The following ZRSR2 variants were observed in gnomAD, a reference collection of about 807,000 sequenced individuals.
ZRSR2 encodes U2 small nuclear ribonucleoprotein auxiliary factor 35 kDa subunit-related protein 2.
A neutral mutation model predicts 39.4 loss-of-function variants in ZRSR2; 3 were observed. The observed-to-expected ratio is 0.08, with a 90% CI of 0.03 to 0.20. The LOEUF (loss-of-function observed/expected upper bound fraction) is 0.20, where lower values mean the gene tolerates loss of function less well. ZRSR2 is among the 10% of genes least tolerant of loss of function. The pLI, the probability that ZRSR2 is intolerant of heterozygous loss-of-function variation, is 1.00. For synonymous variants in ZRSR2, 137 were observed against 136.0 expected (o/e 1.01, Z -0.05); for missense variants, 256 against 391.5 (o/e 0.65, Z 2.92).
intron 5 of ZRSR2, among the ~76,000 whole-genome samples, chrX:15,807,683 T>C (rs1055412962): frequency 2.7e-4 from 30 of 111,484 alleles, no homozygotes; most frequent in Admixed American, 3.8e-4. Context: ...TTATTGAAAC[T>C]ATTATAAGAC....
rs749398280 is a variant in ZRSR2, at chrX:15,820,235, C to G, written c.856C>G (p.Leu286Val). Residue 286 changes from leucine (L) to valine (V), a missense_variant, in exon 10 of 11, where the codon CTG becomes GTG. Leu to Val is a conservative substitution (Grantham distance 32, BLOSUM62 1). Coordinates refer to ENST00000307771, the MANE Select transcript of ZRSR2 (RefSeq NM_005089.4). ...AGAAGAATGCCAAGCAGCCCTTTCT[C>G]TGTTTAACGGACGATGGTATGCAGG... The part of the protein sequence containing the change: ...SEEECQAALS[L>V]FNGRWYAGRQ... 1.7e-6 allele frequency: 2 copies of G among 1,211,443 alleles called. No homozygotes were observed. Among genetic ancestry groups the G allele is most frequent in the Admixed American group, 2.2e-5 (1 of 46,031 alleles).
chrX:15,791,174 A>G (rs1438051088), intron 2 of ZRSR2, among the ~76,000 whole-genome samples, 161 bp downstream of exon 2: 2 of 112,172 alleles, frequency 1.8e-5, no homozygotes, highest in African/African-American at 6.5e-5. Context: ...CATGTCAGAA[A>G]CAATGTTAAC....
chrX:15,821,229 A>G (rs1458282693), intron 10 of ZRSR2, among the ~76,000 whole-genome samples: 1 of 111,005 alleles, frequency 9.0e-6, no homozygotes, highest in Admixed American at 9.5e-5. Context: ...TGTTCGCTCC[A>G]TAAAGGCAGT....
At chrX:15,802,340 A>T (rs772937262) in intron 3 of ZRSR2, among the ~76,000 whole-genome samples, 3 of 112,127 alleles carry the variant, frequency 2.7e-5, no homozygotes, top group African/African-American at 3.2e-5. Context: ...TGGCAATCTA[A>T]CCCCCTCTTT....
rs925193856 is a variant in ZRSR2, at chrX:15,810,926, A to G, written c.557+1608A>G. ...TATAAAAATATTATATAAATAAATA[A>G]TAAGAATACCAGGGACTTGGGTGGC... On this transcript the variant is annotated intron_variant, in intron 7 of 10. Coordinates refer to ENST00000307771, the MANE Select transcript of ZRSR2 (RefSeq NM_005089.4). 3.7e-5 allele frequency among the ~76,000 whole-genome samples: 4 copies of G among 108,038 alleles called. No individual in the cohort carries two copies. The East Asian group carries it at 1.1e-3, about 30-fold the overall frequency. The allele number at this position is 108,038 out of a possible 115,157, so 93.8% of individuals were successfully genotyped here.
chrX:15,800,666 A>G (rs1023324660), intron 3 of ZRSR2, among the ~76,000 whole-genome samples: 1 of 112,493 alleles, frequency 8.9e-6, no homozygotes, highest in Non-Finnish European at 1.9e-5. Context: ...ATATTTTTCT[A>G]TAAATTGCTT....
At chrX:15,816,686 T>C in intron 8 of ZRSR2, among the ~76,000 whole-genome samples, 1 of 111,037 alleles carries the variant, frequency 9.0e-6, no homozygotes, top group East Asian at 2.8e-4. Context: ...GCCTTTGTTA[T>C]GTTAAGGCAG....
chrX:15,823,137 C>CA lies in ZRSR2; in HGVS notation c.1345dup (p.Arg449LysfsTer12), dbSNP rs1933165974. ...GGAGCCGGAGCCGGAGCCGGAGCCG[C>CA]AGGAGCCGCCGCAGCCGGAGCCAAA... is the stretch of plus-strand genomic sequence containing the variant. On this transcript the variant is annotated frameshift_variant, in exon 11 of 11. Coordinates refer to ENST00000307771, the MANE Select transcript of ZRSR2 (RefSeq NM_005089.4). LOFTEE classifies it low-confidence loss of function (END_TRUNC). 1.3e-5 allele frequency: 15 copies of CA among 1,195,278 alleles called. No individual in the cohort carries two copies. The highest frequency in any genetic ancestry group is 1.7e-5 in the Non-Finnish European group (15 of 887,170).
intron 3 of ZRSR2, among the ~76,000 whole-genome samples, chrX:15,802,929 TA>T (rs1468467578): frequency 2.7e-5 from 3 of 110,629 alleles, no homozygotes; most frequent in Non-Finnish European, 5.7e-5. Flanking sequence ...TGGCAAAGGA[TA>T]CTGGGTTTTC....
At chrX:15,797,448 G>A (rs765629589) in intron 2 of ZRSR2, among the ~76,000 whole-genome samples, 1 of 110,141 alleles carries the variant, frequency 9.1e-6, no homozygotes, top group South Asian at 3.8e-4. Context: ...GACCTCAGGT[G>A]ATCCGCCCGC....
At chrX:15,816,870 T>A (rs1932987554) in intron 8 of ZRSR2, among the ~76,000 whole-genome samples, 2 of 112,187 alleles carry the variant, frequency 1.8e-5, no homozygotes, top group Admixed American at 1.9e-4. Flanking sequence ...TCTTTTTATT[T>A]TTTTTTTCCT....
intron 1 of ZRSR2, 23 bp from the exon 2 acceptor site, chrX:15,790,911 G>T (rs1223605086): frequency 1.7e-6 from 2 of 1,193,103 alleles, no homozygotes; most frequent in Non-Finnish European, 2.3e-6. Context: ...GCTGATCGTC[G>T]TGTATATGTC....
chrX:15,823,248 T>C lies in ZRSR2; in HGVS notation c.*6T>C, dbSNP rs1399455334. 1.9e-5 allele frequency: 22 copies of C among 1,142,201 alleles called. No individual in the cohort carries two copies. The highest frequency in any genetic ancestry group is 2.3e-5 in the Non-Finnish European group (20 of 863,871). 94.1% of individuals were successfully genotyped at this position (1,142,201 alleles called of 1,213,427 possible). On this transcript the variant is annotated 3_prime_UTR_variant, in exon 11 of 11. Coordinates refer to ENST00000307771, the MANE Select transcript of ZRSR2 (RefSeq NM_005089.4). The stretch of plus-strand genomic sequence containing the variant: ...AGAGTCCCAAATCCAAATAAACTAG[T>C]TTTGTTCTTAAATGATTGTATATCT...
intron 3 of ZRSR2, among the ~76,000 whole-genome samples, chrX:15,800,788 T>C (rs1475439408): frequency 1.8e-5 from 2 of 112,840 alleles, no homozygotes; most frequent in African/African-American, 6.4e-5. Context: ...TTATTTGCTA[T>C]TCATAGTTTA....
At chrX:15,820,582 T>G (rs1933082566) in intron 10 of ZRSR2, among the ~76,000 whole-genome samples, 2 of 112,245 alleles carry the variant, frequency 1.8e-5, no homozygotes, top group South Asian at 7.5e-4. Context: ...TCTTCAGTCC[T>G]GGGCTCTGTG....
chrX:15,820,093 A>G (rs1168250263), intron 9 of ZRSR2, 114 bp from the exon 10 acceptor site: 6 of 666,158 alleles, frequency 9.0e-6, no homozygotes, highest in Non-Finnish European at 1.4e-5. Flanking sequence ...TAGGTACAAA[A>G]TCAGTGAACT....
chrX:15,812,211 G>A (rs1038988701), intron 7 of ZRSR2, among the ~76,000 whole-genome samples: 2 of 112,373 alleles, frequency 1.8e-5, no homozygotes, highest in Admixed American at 1.9e-4. Flanking sequence ...TTACAGGCGT[G>A]AGCCACCGCG....
chrX:15,796,784 G>T (rs1274068800), intron 2 of ZRSR2, among the ~76,000 whole-genome samples: 14 of 39,929 alleles, frequency 3.5e-4, no homozygotes, highest in African/African-American at 1.7e-3. Flanking sequence ...GTTTCAAATC[G>T]TTTTTTTTTT....
intron 2 of ZRSR2, among the ~76,000 whole-genome samples, chrX:15,797,837 A>T: frequency 9.0e-6 from 1 of 111,585 alleles, no homozygotes. Context: ...AACTGTTAGC[A>T]ATCACTTCTG....
Sources: allele counts gnomAD v4.1 joint callset (sites outside exome capture counted in the v4.1 genomes callset), GRCh38; gene constraint gnomAD v4.1.1; transcripts MANE v1.5; gene names NCBI Gene and HGNC (gene_info 2026-07-23, HGNC 2026-07-21).